The following RAB30 variants were observed in gnomAD, a reference collection of about 807,000 sequenced individuals.
The protein encoded by RAB30 is ras-related protein Rab-30.
Under a neutral mutation model 25.1 loss-of-function variants are expected in RAB30, and 9 were observed. The ratio of observed to expected loss-of-function variants is 0.36; its 90% confidence interval spans 0.22 to 0.63. RAB30 has a LOEUF of 0.63. Ranked by LOEUF, RAB30 falls within the 20% of genes least tolerant of loss-of-function variation. The pLI is 0.69. For missense variants in RAB30, 140 were observed against 243.5 expected (o/e 0.58, Z 2.83); for synonymous variants, 77 against 86.4 (o/e 0.89, Z 0.60).
intron 1 of RAB30, among the ~76,000 whole-genome samples, chr11:83,066,514 G>C (rs1858700436): frequency 6.6e-6 from 1 of 152,188 alleles, no homozygotes; most frequent in African/African-American, 2.4e-5. Flanking sequence ...TTCCCTAAAA[G>C]TGATCACAAA....
At chr11:83,009,796 CT>C (rs1857266091) in intron 1 of RAB30, among the ~76,000 whole-genome samples, 1 of 152,126 alleles carries the variant, frequency 6.6e-6, no homozygotes, top group Admixed American at 6.5e-5. Context: ...CTTTTCAATA[CT>C]CATCAAAAGC....
chr11:82,992,524 T>C (rs1256701669), intron 3 of RAB30: 4 of 368,474 alleles, frequency 1.1e-5, no homozygotes, highest in Admixed American at 6.3e-5. Flanking sequence ...TCTCTGCTCT[T>C]CCCAAGGCAC....
chr11:83,014,626 AAGT>A (rs1230832071), intron 1 of RAB30, among the ~76,000 whole-genome samples: 1 of 133,686 alleles, frequency 7.5e-6, no homozygotes, highest in South Asian at 2.5e-4. Flanking sequence ...AGAAAGAAAG[AAGT>A]AAGAAAAAGA....
chr11:83,023,040 T>C (rs368443986), intron 1 of RAB30, among the ~76,000 whole-genome samples: 2 of 152,122 alleles, frequency 1.3e-5, no homozygotes, highest in Admixed American at 6.5e-5. Flanking sequence ...ATGTTAACAA[T>C]TGTTTAATTT....
chr11:82,980,653 A>G lies in RAB30; in HGVS notation c.*1512T>C, dbSNP rs1238374507. ...AGGTTTAATTATTTTCCCAATTTGC[A>G]TTTATATCAGTGAACAAATTGGAAG... On this transcript the variant is annotated 3_prime_UTR_variant, in exon 5 of 5. Transcript: ENST00000527633. 1 of 152,236 alleles carries G rather than the reference A, an allele frequency of 6.6e-6. No homozygotes were observed. Among genetic ancestry groups the G allele is most frequent in the East Asian group, 1.9e-4 (1 of 5,204 alleles). The allele number at this position is 152,236 out of a possible 1,614,324, so 9.4% of individuals were successfully genotyped here. A position where few individuals can be genotyped will look rare whatever the true frequency, so the allele number is the denominator to read the frequency against.
chr11:83,043,912 G>A (rs1858183235), intron 1 of RAB30, among the ~76,000 whole-genome samples: 2 of 152,122 alleles, frequency 1.3e-5, no homozygotes, highest in Admixed American at 1.3e-4. Context: ...AGTGGGGAGG[G>A]AAGTAGATAT....
At chr11:83,041,928 G>C (rs1858126367) in intron 1 of RAB30, among the ~76,000 whole-genome samples, 1 of 151,294 alleles carries the variant, frequency 6.6e-6, no homozygotes, top group Non-Finnish European at 1.5e-5. Flanking sequence ...TGTAATCTCA[G>C]CTACTCAGGA....
intron 3 of RAB30, among the ~76,000 whole-genome samples, chr11:82,993,260 G>C (rs553693799): frequency 7.2e-5 from 11 of 152,162 alleles, no homozygotes. Context: ...GGGTGTACTG[G>C]TTGGTGAAAT....
At chr11:83,038,229 G>A (rs1229880328) in intron 1 of RAB30, among the ~76,000 whole-genome samples, 1 of 152,150 alleles carries the variant, frequency 6.6e-6, no homozygotes, top group Non-Finnish European at 1.5e-5. Flanking sequence ...CCCTTGGTAT[G>A]TCCTACCTCT....
intron 1 of RAB30, among the ~76,000 whole-genome samples, chr11:83,049,771 C>T (rs1858317011): frequency 6.6e-6 from 1 of 152,112 alleles, no homozygotes; most frequent in South Asian, 2.1e-4. Flanking sequence ...TGGAAAACAC[C>T]TTGGCCTACT....
At chr11:83,044,850 A>C (rs1858202161) in intron 1 of RAB30, among the ~76,000 whole-genome samples, 1 of 152,210 alleles carries the variant, frequency 6.6e-6, no homozygotes, top group Non-Finnish European at 1.5e-5. Context: ...CTTTAAATTA[A>C]AATGGCTGTG....
At chr11:83,014,660 A>AAG (rs1252005892) in intron 1 of RAB30, among the ~76,000 whole-genome samples, 1 of 149,130 alleles carries the variant, frequency 6.7e-6, no homozygotes, top group African/African-American at 2.5e-5. Flanking sequence ...GAAAGAAAGA[A>AAG]AGAAAGAAAG....
intron 3 of RAB30, among the ~76,000 whole-genome samples, chr11:82,992,537 A>G (rs1856873525): frequency 6.6e-6 from 1 of 152,136 alleles, no homozygotes; most frequent in African/African-American, 2.4e-5. Flanking sequence ...CAAGGCACTC[A>G]AAGGAAGGAG....
intron 1 of RAB30, among the ~76,000 whole-genome samples, chr11:83,043,335 A>G (rs1858169406): frequency 6.6e-6 from 1 of 152,156 alleles, no homozygotes; most frequent in Admixed American, 6.5e-5. Context: ...CTGACTCCAG[A>G]GGTATAAAGG....
At chr11:83,029,973 G>C (rs1565282968) in intron 1 of RAB30, among the ~76,000 whole-genome samples, 1 of 152,186 alleles carries the variant, frequency 6.6e-6, no homozygotes, top group Admixed American at 6.5e-5. Flanking sequence ...TCTTACTTAA[G>C]TGGGAACTAA....
intron 1 of RAB30, among the ~76,000 whole-genome samples, chr11:83,069,886 T>A (rs140572087): frequency 2.0e-5 from 3 of 152,226 alleles, no homozygotes; most frequent in African/African-American, 7.2e-5. Context: ...AAGCACAGAC[T>A]GCAAGAAAAA....
intron 1 of RAB30, among the ~76,000 whole-genome samples, chr11:83,012,802 C>G (rs1857332357): frequency 6.6e-6 from 1 of 152,170 alleles, no homozygotes; most frequent in Non-Finnish European, 1.5e-5. Context: ...CAGCCCAGCA[C>G]CTCGTATCTT....
At position 83,071,809 on chromosome 11, in the gene RAB30, C is replaced by G. The variant is rs911941262; in HGVS notation, c.-127G>C. The G allele has an allele frequency of 3.0e-6, 1 of 335,898 alleles. No individual in the cohort carries two copies. 20.8% of individuals were successfully genotyped at this position (335,898 alleles called of 1,614,324 possible). On this transcript the variant is annotated 5_prime_UTR_variant, in exon 1 of 5. Coordinates refer to ENST00000527633, the MANE Select transcript of RAB30 (RefSeq NM_001286060.2). ...TCCAAGGGCTGGAGTCAGTCCCTGC[C>G]CTGGTGCTGCTGCTACACTTAGCTC...
chr11:83,030,000 A>G (rs1344854948), intron 1 of RAB30, among the ~76,000 whole-genome samples: 3 of 152,124 alleles, frequency 2.0e-5, no homozygotes, highest in African/African-American at 7.2e-5. Flanking sequence ...AGGACACAAA[A>G]ACAATACAGA....
Sources: gnomAD v4.1 joint callset for allele counts (sites outside exome capture counted in the v4.1 genomes callset) on GRCh38, gnomAD v4.1.1 for gene constraint, MANE v1.5 for transcripts, NCBI Gene and HGNC (gene_info 2026-07-23, HGNC 2026-07-21) for gene names.